The following SSBP3 variants were observed in gnomAD, a reference collection of about 807,000 sequenced individuals.
SSBP3 encodes single stranded DNA binding protein 3.
A neutral mutation model predicts 69.6 loss-of-function variants in SSBP3; 5 were observed. That is an observed-to-expected ratio of 0.07 (90% CI 0.04 to 0.15). SSBP3 has a LOEUF of 0.15. Ranked by LOEUF, SSBP3 falls within the 10% of genes least tolerant of loss-of-function variation. SSBP3 has a pLI of 1.00. For missense variants in SSBP3, 312 were observed against 534.0 expected, an observed-to-expected ratio of 0.58 and a Z score of 4.10; for synonymous variants, 196 against 193.4, an observed-to-expected ratio of 1.01 and a Z score of -0.11.
At chr1:54,235,551 G>GT (rs1411426497) in intron 14 of SSBP3, among the ~76,000 whole-genome samples, 1 of 149,232 alleles carries the variant, frequency 6.7e-6, no homozygotes, top group African/African-American at 2.5e-5. Context: ...CGCCTCCCGG[G>GT]TTCAAGCAAT....
chr1:54,368,286 C>T (rs57373318), intron 4 of SSBP3, among the ~76,000 whole-genome samples: 2 of 119,946 alleles, frequency 1.7e-5, no homozygotes, highest in Admixed American at 8.7e-5. Context: ...GAGACTCCAT[C>T]TCAAAAAAAA....
intron 9 of SSBP3, among the ~76,000 whole-genome samples, chr1:54,246,148 G>C (rs1161353139): frequency 6.6e-6 from 1 of 152,170 alleles, no homozygotes; most frequent in Non-Finnish European, 1.5e-5. Context: ...TGGATCAAAT[G>C]AAACAATGGT....
chr1:54,251,567 G>A (rs1459896976), intron 9 of SSBP3, 49 bp downstream of exon 9: 1 of 1,526,170 alleles, frequency 6.6e-7, no homozygotes, highest in Admixed American at 2.0e-5. Flanking sequence ...GAGAAGGCGG[G>A]TGCACACAGA....
intron 4 of SSBP3, among the ~76,000 whole-genome samples, chr1:54,392,506 G>A (rs190444441): frequency 1.3e-5 from 2 of 152,346 alleles, no homozygotes; most frequent in Admixed American, 6.5e-5. Flanking sequence ...TTTACTCTGT[G>A]TAATACGGTT....
chr1:54,357,947 C>T (rs1177228213), intron 4 of SSBP3, among the ~76,000 whole-genome samples: 1 of 152,294 alleles, frequency 6.6e-6, no homozygotes, highest in Admixed American at 6.5e-5. Flanking sequence ...ACTTCCACAC[C>T]TACACTATAC....
intron 4 of SSBP3, among the ~76,000 whole-genome samples, chr1:54,303,325 C>G (rs1436464731): frequency 6.6e-6 from 1 of 151,350 alleles, no homozygotes; most frequent in African/African-American, 2.5e-5. Flanking sequence ...ACTTCTGATG[C>G]CTCGCTGCCC....
chr1:54,347,848 G>T (rs1646714688), intron 4 of SSBP3, among the ~76,000 whole-genome samples: 1 of 152,230 alleles, frequency 6.6e-6, no homozygotes, highest in Admixed American at 6.5e-5. Context: ...GGCCCTGCGG[G>T]CACCTTCCTC....
At chr1:54,300,069 G>C (rs966255357) in intron 4 of SSBP3, among the ~76,000 whole-genome samples, 6 of 152,154 alleles carry the variant, frequency 3.9e-5, no homozygotes, top group Admixed American at 3.9e-4. Context: ...TCCAATCCTA[G>C]CTATTTAAAG....
intron 4 of SSBP3, among the ~76,000 whole-genome samples, chr1:54,386,006 G>T (rs982906453): frequency 6.6e-6 from 1 of 152,068 alleles, no homozygotes; most frequent in South Asian, 2.1e-4. Context: ...TTTAAATATT[G>T]CATGTTGAAA....
At position 54,366,029 on chromosome 1, in the gene SSBP3, C is replaced by A. The variant is rs72912167; in HGVS notation, c.276+35832G>T. 8.4e-3 allele frequency among the ~76,000 whole-genome samples: 1,284 copies of A among 152,316 alleles called. 25 individuals are homozygous for A. Among genetic ancestry groups the A allele is most frequent in the African/African-American group, 0.028 (1,179 of 41,560 alleles). On this transcript the variant is annotated intron_variant, in intron 4 of 17. Transcript: ENST00000610401. ...TAGTTTACACAGACCACTCAGAACA[C>A]TGCCTGGCACAAAGGCAGGGCTGAA... is the stretch of plus-strand genomic sequence containing the variant.
At chr1:54,392,315 C>G (rs558103009) in intron 4 of SSBP3, among the ~76,000 whole-genome samples, 1 of 152,182 alleles carries the variant, frequency 6.6e-6, no homozygotes, top group Non-Finnish European at 1.5e-5. Context: ...GTCTCTTGAC[C>G]CAAGTCACTT....
chr1:54,283,806 G>GGCCCCTGCCTT (rs1193427044), intron 4 of SSBP3, among the ~76,000 whole-genome samples: 5 of 152,184 alleles, frequency 3.3e-5, no homozygotes, highest in Non-Finnish European at 5.9e-5. Flanking sequence ...TGAGGTCACA[G>GGCCCCTGCCTT]GCCCCTGCCT....
chr1:54,346,154 T>C (rs1480117237), intron 4 of SSBP3, among the ~76,000 whole-genome samples: 2 of 148,502 alleles, frequency 1.3e-5, no homozygotes, highest in Non-Finnish European at 3.0e-5. Context: ...AGAGTAAGAC[T>C]TCATCTCAAA....
intron 5 of SSBP3, among the ~76,000 whole-genome samples, chr1:54,259,796 C>A (rs193107094): frequency 5.3e-5 from 8 of 152,300 alleles, no homozygotes; most frequent in Admixed American, 3.3e-4. Flanking sequence ...CTTGGCCAAG[C>A]GAGGAGCTGC....
intron 5 of SSBP3, among the ~76,000 whole-genome samples, chr1:54,263,050 C>A (rs1645042377): frequency 6.6e-6 from 1 of 152,192 alleles, no homozygotes; most frequent in South Asian, 2.1e-4. Flanking sequence ...AGTGTTCCAT[C>A]CAGCAGCTCC....
At chr1:54,280,862 T>C (rs1006464965) in intron 5 of SSBP3, among the ~76,000 whole-genome samples, 1 of 152,124 alleles carries the variant, frequency 6.6e-6, no homozygotes, top group African/African-American at 2.4e-5. Flanking sequence ...TTCCTGCCTG[T>C]GGCGGGCAGA....
chr1:54,263,326 G>A (rs1570296616), intron 5 of SSBP3, among the ~76,000 whole-genome samples: 1 of 152,238 alleles, frequency 6.6e-6, no homozygotes, highest in Non-Finnish European at 1.5e-5. Context: ...AAGCCGTCCT[G>A]GAGAGGCGGG....
intron 4 of SSBP3, among the ~76,000 whole-genome samples, chr1:54,284,903 T>G (rs544624369): frequency 1.3e-5 from 2 of 152,280 alleles, no homozygotes; most frequent in East Asian, 3.9e-4. Flanking sequence ...TAGTGGATGG[T>G]CCACAGTTCT....
At chr1:54,352,046 A>G (rs544953003) in intron 4 of SSBP3, among the ~76,000 whole-genome samples, 3 of 152,292 alleles carry the variant, frequency 2.0e-5, no homozygotes, top group African/African-American at 7.2e-5. Flanking sequence ...CTGTAGTCCC[A>G]GCTACTTGGG....
Sources: gnomAD v4.1 joint callset for allele counts (sites outside exome capture counted in the v4.1 genomes callset) on GRCh38, gnomAD v4.1.1 for gene constraint, MANE v1.5 for transcripts, NCBI Gene and HGNC (gene_info 2026-07-23, HGNC 2026-07-21) for gene names.